CNBD1: variants seen among roughly 807,000 people sequenced by gnomAD.
CNBD1 encodes the protein cyclic nucleotide binding domain containing 1, also known as cyclic nucleotide-binding domain-containing protein 1.
A neutral mutation model predicts 54.4 loss-of-function variants in CNBD1; 71 were observed. That is an observed-to-expected ratio of 1.30 (90% CI 1.08 to 1.59). The LOEUF is 1.59. Among genes scored for constraint, CNBD1 ranks in the 40% most tolerant of loss-of-function variants. The pLI, the probability that CNBD1 is intolerant of heterozygous loss-of-function variation, is 0.00. For synonymous variants in CNBD1, 182 were observed against 170.7 expected, an observed-to-expected ratio of 1.07 and a Z score of -0.51; for missense variants, 659 against 518.0, an observed-to-expected ratio of 1.27 and a Z score of -2.64.
At position 87,227,140 on chromosome 8, in the gene CNBD1, A is replaced by C. The variant is rs531444824; in HGVS notation, c.578-9779A>C. Among the ~76,000 whole-genome samples the C allele has an allele frequency of 1.7e-4, 26 of 152,252 alleles. No individual in the cohort carries two copies. The South Asian group carries it at 4.1e-3, about 24-fold the overall frequency. ...ATTTTGAGCCCATGTGTGTCTCTGC[A>C]CATGAGATGGGTTTCCTGAATACAG... On this transcript the variant is annotated intron_variant, in intron 5 of 10. Coordinates refer to ENST00000518476, the MANE Select transcript of CNBD1 (RefSeq NM_173538.3).
intron 4 of CNBD1, among the ~76,000 whole-genome samples, chr8:86,978,036 T>C (rs1038393815): frequency 1.3e-5 from 2 of 152,164 alleles, no homozygotes; most frequent in Admixed American, 1.3e-4. Flanking sequence ...TAATTTACTA[T>C]GTCCTCTTTA....
intron 1 of CNBD1, among the ~76,000 whole-genome samples, chr8:86,872,539 C>T (rs912301027): frequency 6.6e-6 from 1 of 152,136 alleles, no homozygotes; most frequent in African/African-American, 2.4e-5. Flanking sequence ...TATTAATTTA[C>T]ATTCTCACCA....
chr8:87,018,225 G>A (rs1045075246), intron 4 of CNBD1, among the ~76,000 whole-genome samples: 11 of 152,118 alleles, frequency 7.2e-5, no homozygotes, highest in Non-Finnish European at 1.5e-4. Flanking sequence ...CCTGGGCAAC[G>A]AGAGCAAAAC....
chr8:87,080,450 C>T (rs1404699159), intron 4 of CNBD1, among the ~76,000 whole-genome samples: 1 of 151,946 alleles, frequency 6.6e-6, no homozygotes, highest in African/African-American at 2.4e-5. Flanking sequence ...GGCGTGGTGG[C>T]ACACACCTGT....
chr8:87,164,765 G>T (rs1235811150), intron 4 of CNBD1, among the ~76,000 whole-genome samples: 2 of 151,106 alleles, frequency 1.3e-5, no homozygotes, highest in Non-Finnish European at 1.5e-5. Context: ...TGTTTTGCTA[G>T]TCTCTGTGTC....
At chr8:87,091,866 A>T (rs1161977705) in intron 4 of CNBD1, among the ~76,000 whole-genome samples, 1 of 152,170 alleles carries the variant, frequency 6.6e-6, no homozygotes, top group African/African-American at 2.4e-5. Context: ...ATTATGAAAT[A>T]TATAGGACAT....
intron 4 of CNBD1, among the ~76,000 whole-genome samples, chr8:87,103,544 A>G (rs928894038): frequency 2.6e-5 from 4 of 152,214 alleles, no homozygotes; most frequent in Admixed American, 2.0e-4. Flanking sequence ...CAGTCACGGC[A>G]GAAGGGGAAG....
Position 87,324,286 on chromosome 8 carries a change from C to T in CNBD1, c.1043-27399C>T, listed in dbSNP as rs1353831384. 4.7e-3 allele frequency among the ~76,000 whole-genome samples: 590 copies of T among 125,920 alleles called. 4 individuals are homozygous for T. The highest frequency in any genetic ancestry group is 0.017 in the African/African-American group (563 of 32,748). The allele number at this position is 125,920 out of a possible 152,430, so 82.6% of individuals were successfully genotyped here. A position where few individuals can be genotyped will look rare whatever the true frequency, so the allele number is the denominator to read the frequency against. On this transcript the variant is annotated intron_variant, in intron 8 of 10. Coordinates refer to ENST00000518476, the MANE Select transcript of CNBD1 (RefSeq NM_173538.3). The stretch of plus-strand genomic sequence containing the variant: ...TCTCTTTTTTGGTTGTGTCTCTGCC[C>T]GGCTTTGGTATCAGAATGATGCTGG...
chr8:86,969,085 C>T lies in CNBD1; in HGVS notation c.431+29331C>T, dbSNP rs186956625. ...GTTTTGTGTGATCCAGTTCCCAGCT[C>T]GAATTTTCCTTTGGTTTAAGTGAGT... On this transcript the variant is annotated intron_variant, in intron 4 of 10. Coordinates refer to ENST00000518476, the MANE Select transcript of CNBD1 (RefSeq NM_173538.3). Among the ~76,000 whole-genome samples the T allele has an allele frequency of 2.2e-4, 33 of 152,170 alleles. No homozygotes were observed. In the East Asian group the frequency reaches 5.2e-3, roughly 24 times the overall value.
At chr8:87,244,587 A>G (rs1477123376) in intron 6 of CNBD1, among the ~76,000 whole-genome samples, 1 of 152,078 alleles carries the variant, frequency 6.6e-6, no homozygotes, top group East Asian at 1.9e-4. Flanking sequence ...TATACCCTTT[A>G]ACCCAGTTCT....
chr8:87,024,722 A>G (rs1809593498), intron 4 of CNBD1, among the ~76,000 whole-genome samples: 2 of 152,150 alleles, frequency 1.3e-5, no homozygotes, highest in Non-Finnish European at 1.5e-5. Flanking sequence ...TGATACTTTC[A>G]ACTTCATTTA....
chr8:87,255,322 T>C (rs1280919171), intron 6 of CNBD1, among the ~76,000 whole-genome samples: 1 of 152,148 alleles, frequency 6.6e-6, no homozygotes, highest in Non-Finnish European at 1.5e-5. Flanking sequence ...AAATAAACTC[T>C]CTGCATGTAA....
intron 10 of CNBD1, among the ~76,000 whole-genome samples, chr8:87,368,288 C>G (rs1433970327): frequency 6.6e-6 from 1 of 151,818 alleles, no homozygotes. Flanking sequence ...CAATATATCC[C>G]AATAAATCTT....
At chr8:86,957,128 G>A (rs959184315) in intron 4 of CNBD1, among the ~76,000 whole-genome samples, 3 of 152,244 alleles carry the variant, frequency 2.0e-5, no homozygotes, top group East Asian at 1.9e-4. Flanking sequence ...GATGGATTAC[G>A]TTTATTGATT....
intron 4 of CNBD1, among the ~76,000 whole-genome samples, chr8:87,024,802 A>G (rs912395763): frequency 6.6e-6 from 1 of 152,208 alleles, no homozygotes; most frequent in Non-Finnish European, 1.5e-5. Flanking sequence ...CTGATTCTGC[A>G]TCAGTTGCCA....
intron 8 of CNBD1, among the ~76,000 whole-genome samples, chr8:87,292,286 AT>A (rs1808802677): frequency 6.6e-6 from 1 of 152,204 alleles, no homozygotes; most frequent in African/African-American, 2.4e-5. Context: ...GGCAATTTGG[AT>A]TTAAGGTGAG....
intron 2 of CNBD1, among the ~76,000 whole-genome samples, chr8:86,901,391 T>A (rs1808930555): frequency 6.6e-6 from 1 of 152,158 alleles, no homozygotes; most frequent in South Asian, 2.1e-4. Flanking sequence ...TTGCCTTAGT[T>A]AACTTAAAAT....
At chr8:87,064,961 C>G (rs891847633) in intron 4 of CNBD1, among the ~76,000 whole-genome samples, 1 of 151,954 alleles carries the variant, frequency 6.6e-6, no homozygotes, top group African/African-American at 2.4e-5. Flanking sequence ...CTCTTATCCT[C>G]TAGATGTTTC....
intron 4 of CNBD1, among the ~76,000 whole-genome samples, chr8:87,130,501 G>A (rs574058166): frequency 6.6e-6 from 1 of 152,060 alleles, no homozygotes; most frequent in African/African-American, 2.4e-5. Flanking sequence ...GAGAGGCTGG[G>A]TGTGGTGGTT....
Sources: gnomAD v4.1 joint callset for allele counts (sites outside exome capture counted in the v4.1 genomes callset) on GRCh38, gnomAD v4.1.1 for gene constraint, MANE v1.5 for transcripts, NCBI Gene and HGNC (gene_info 2026-07-23, HGNC 2026-07-21) for gene names.